PKHD1L1: variants seen among roughly 807,000 people sequenced by gnomAD.
PKHD1L1 encodes fibrocystin-L.
A neutral mutation model predicts 462.9 loss-of-function variants in PKHD1L1; 434 were observed. The ratio of observed to expected loss-of-function variants is 0.94; its 90% CI spans 0.87 to 1.02. PKHD1L1 has a LOEUF of 1.02. Among genes scored for constraint, PKHD1L1 ranks in the 50% least tolerant of loss-of-function variants. The pLI is 0.00. For missense variants in PKHD1L1, 5,202 were observed against 5,096.1 expected (o/e 1.02, Z -0.63); for synonymous variants, 1,781 against 1,750.0 (o/e 1.02, Z -0.44).
chr8:109,477,023 G>A (rs1306650192), intron 52 of PKHD1L1, among the ~76,000 whole-genome samples: 2 of 152,054 alleles, frequency 1.3e-5, no homozygotes, highest in East Asian at 1.9e-4. Flanking sequence ...AAATTCTAAA[G>A]CATTCATTTT....
intron 21 of PKHD1L1, among the ~76,000 whole-genome samples, chr8:109,415,772 C>T (rs375386623): frequency 6.6e-6 from 1 of 150,742 alleles, no homozygotes; most frequent in Admixed American, 6.6e-5. Flanking sequence ...TGCTTGAGTC[C>T]GGGAGATCCA....
chr8:109,423,942 C>G (rs1706858124), intron 23 of PKHD1L1, among the ~76,000 whole-genome samples: 1 of 152,168 alleles, frequency 6.6e-6, no homozygotes, highest in African/African-American at 2.4e-5. Context: ...AATTCGATTT[C>G]CACATGCTCG....
At chr8:109,382,381 C>A in intron 3 of PKHD1L1, 82 bp from the exon 4 acceptor site, 1 of 1,123,128 alleles carries the variant, frequency 8.9e-7, no homozygotes, top group Non-Finnish European at 1.2e-6. Context: ...AGCCTGCAGT[C>A]TGGGGCAGTA....
intron 14 of PKHD1L1, among the ~76,000 whole-genome samples, chr8:109,403,102 T>A (rs565847663): frequency 6.6e-6 from 1 of 151,990 alleles, no homozygotes; most frequent in Admixed American, 6.6e-5. Flanking sequence ...GAGCACAGAG[T>A]TTGAATGAAA....
chr8:109,408,729 G>C (rs1016270096), intron 18 of PKHD1L1, among the ~76,000 whole-genome samples: 2 of 151,968 alleles, frequency 1.3e-5, no homozygotes, highest in Non-Finnish European at 2.9e-5. Flanking sequence ...CAACAAAAAG[G>C]GTCAAAAAGA....
Position 109,518,291 on chromosome 8 carries a change from A to C in PKHD1L1, c.11814A>C (p.Ile3938=). ...TTGAAATTCACACTGCCACAGTGAT[A>C]TTTGTTTCTTTCCAATTATCTGTTG... ...IPVEIHTATV[I]FVSFQLSVAT... is the part of the protein sequence containing the mutation. Residue 3938 remains isoleucine (I), a synonymous_variant, in exon 73 of 78, where the codon ATA becomes ATC. Transcript: ENST00000378402. 6.2e-7 allele frequency: 1 copy of C among 1,612,196 alleles called. No individual in the cohort carries two copies. Among genetic ancestry groups the C allele is most frequent in the South Asian group, 1.1e-5 (1 of 91,052 alleles).
chr8:109,443,079 C>T lies in PKHD1L1; in HGVS notation c.4527C>T (p.His1509=), dbSNP rs1324941506. Residue 1509 remains histidine, a synonymous_variant, in exon 36 of 78, where the codon CAC becomes CAT. Coordinates refer to ENST00000378402, the MANE Select transcript of PKHD1L1 (RefSeq NM_177531.6). ...LPAETRHIPL[H]LFVGRSEATY... ...CTGAAACCAGACACATTCCCTTGCA[C>T]CTGTTTGTGGGTCGCTCTGAAGCCA... The T allele has an allele frequency of 6.2e-7, 1 of 1,613,554 alleles. No homozygotes were observed. Among genetic ancestry groups the T allele is most frequent in the Admixed American group, 1.7e-5 (1 of 59,982 alleles).
At chr8:109,464,129 T>C in intron 48 of PKHD1L1, 87 bp from the exon 49 acceptor site, 1 of 882,158 alleles carries the variant, frequency 1.1e-6, no homozygotes, top group African/African-American at 1.8e-5. Context: ...TTAATAATAA[T>C]ATAAAATTAG....
rs1385845705 is a variant in PKHD1L1 at position 109,409,925 on chromosome 8, G to A, written c.2032G>A (p.Glu678Lys). The change falls in exon 19 of 78, where the codon GAA (glutamate) becomes AAA (lysine). Residue 678 changes from glutamate (E) to lysine (K), a missense_variant. Glu to Lys is a moderately conservative substitution (Grantham distance 56). Coordinates refer to ENST00000378402, the MANE Select transcript of PKHD1L1 (RefSeq NM_177531.6). ...TKCPPQIANF[E>K]EGFVVKYFRD... ...GTGTCCACCACAAATTGCAAATTTT[G>A]AAGAAGGATTTGTTGTGAAATATTT... 1.2e-6 allele frequency: 2 copies of A among 1,607,478 alleles called. No homozygotes were observed. Among genetic ancestry groups the A allele is most frequent in the South Asian group, 2.2e-5 (2 of 89,618 alleles).
chr8:109,404,901 A>T, intron 15 of PKHD1L1, 94 bp from the exon 16 acceptor site: 1 of 1,080,390 alleles, frequency 9.3e-7, no homozygotes, highest in African/African-American at 1.6e-5. Flanking sequence ...GTAGTAAAAT[A>T]GAGCAATAAA....
chr8:109,384,056 T>G lies in PKHD1L1; in HGVS notation c.418-14T>G, dbSNP rs1563724837. 1 of 1,569,622 alleles carries G rather than the reference T, an allele frequency of 6.4e-7. No homozygotes were observed. The highest frequency in any genetic ancestry group is 8.8e-7 in the Non-Finnish European group (1 of 1,140,712). ...CAGAGATAAGTTTTCATATTGACATTATTCTTTTTACAGGCAAAAAGTTTT... is the reference window on the plus strand; with the variant it reads ...CAGAGATAAGTTTTCATATTGACATGATTCTTTTTACAGGCAAAAAGTTTT... On this transcript the variant is annotated splice_polypyrimidine_tract_variant and intron_variant, in intron 4 of 77. Coordinates refer to ENST00000378402, the MANE Select transcript of PKHD1L1 (RefSeq NM_177531.6).
At chr8:109,488,178 G>GA (rs1268023838) in intron 59 of PKHD1L1, among the ~76,000 whole-genome samples, 3 of 151,838 alleles carry the variant, frequency 2.0e-5, no homozygotes, top group South Asian at 4.2e-4. Flanking sequence ...GGAAACACAG[G>GA]AAAAAATGCT....
chr8:109,404,714 G>GT lies in PKHD1L1; in HGVS notation c.1533+4dup, dbSNP rs574936965. 94 of 1,592,804 alleles carry GT rather than the reference G, an allele frequency of 5.9e-5. No individual in the cohort carries two copies. The Admixed American group carries it at 1.2e-3, about 20-fold the overall frequency. On this transcript the variant is annotated splice_donor_variant, in intron 15 of 77. Transcript: ENST00000378402. LOFTEE classifies it high-confidence loss of function. ...GTCGACAATCCTCCAGGAAGTACAGGTTTGCTATGATTGCAGTTCCTCTTA... is the reference window on the plus strand; with the variant it reads ...GTCGACAATCCTCCAGGAAGTACAGGTTTTGCTATGATTGCAGTTCCTCTTA...
At chr8:109,372,254 C>G (rs1006337023) in intron 2 of PKHD1L1, among the ~76,000 whole-genome samples, 16 of 152,128 alleles carry the variant, frequency 1.1e-4, no homozygotes, top group African/African-American at 3.9e-4. Flanking sequence ...GTATTTTATT[C>G]TCTTTGAAGC....
intron 30 of PKHD1L1, among the ~76,000 whole-genome samples, chr8:109,436,920 T>C (rs557539474): frequency 5.3e-5 from 8 of 152,296 alleles, no homozygotes; most frequent in African/African-American, 1.9e-4. Context: ...CAAAAAGGAA[T>C]ACTTTATTTT....
chr8:109,454,976 T>G, intron 45 of PKHD1L1, 124 bp downstream of exon 45: 1 of 1,230,650 alleles, frequency 8.1e-7, no homozygotes, highest in Admixed American at 2.9e-5. Flanking sequence ...GCTTCTCATG[T>G]CTTTAGATAT....
intron 37 of PKHD1L1, 134 bp downstream of exon 37, chr8:109,444,036 G>T: frequency 1.3e-6 from 1 of 769,402 alleles, no homozygotes; most frequent in Non-Finnish European, 2.0e-6. Flanking sequence ...CCCACTTAAA[G>T]TGTACAATTC....
intron 38 of PKHD1L1, among the ~76,000 whole-genome samples, chr8:109,446,557 G>A (rs1350845460): frequency 2.0e-5 from 3 of 152,184 alleles, no homozygotes; most frequent in Non-Finnish European, 4.4e-5. Flanking sequence ...GTTTGAGTAA[G>A]TAGTATTTTC....
At chr8:109,505,696 T>G (rs1819652459) in intron 68 of PKHD1L1, among the ~76,000 whole-genome samples, 1 of 152,070 alleles carries the variant, frequency 6.6e-6, no homozygotes, top group African/African-American at 2.4e-5. Flanking sequence ...CCCAGGAGTT[T>G]GAGGCCAGCC....
Sources: gnomAD v4.1 joint callset for allele counts (sites outside exome capture counted in the v4.1 genomes callset) on GRCh38, gnomAD v4.1.1 for gene constraint, MANE v1.5 for transcripts, NCBI Gene and HGNC (gene_info 2026-07-23, HGNC 2026-07-21) for gene names.